TBC1D5: variants seen among roughly 807,000 people sequenced by gnomAD.
TBC1D5 encodes the protein TBC1 domain family member 5.
A neutral mutation model predicts 100.3 loss-of-function variants in TBC1D5; 75 were observed. The observed-to-expected ratio is 0.75, with a 90% confidence interval of 0.62 to 0.91. The LOEUF is 0.91. TBC1D5 is among the 40% of genes least tolerant of loss of function. TBC1D5 has a pLI of 0.00. For missense variants in TBC1D5, 910 were observed against 942.4 expected (o/e 0.97, Z 0.45); for synonymous variants, 323 against 325.6 (o/e 0.99, Z 0.09).
chr3:17,440,861 C>G (rs563882673), intron 3 of TBC1D5, among the ~76,000 whole-genome samples: 1 of 152,174 alleles, frequency 6.6e-6, no homozygotes, highest in Non-Finnish European at 1.5e-5. Context: ...AAGCGGGTCT[C>G]GGACTCCTAG....
chr3:17,638,837 GAATA>G (rs1346174289), intron 1 of TBC1D5, among the ~76,000 whole-genome samples: 5 of 151,816 alleles, frequency 3.3e-5, no homozygotes, highest in Non-Finnish European at 5.9e-5. Context: ...AGTTATAAAA[GAATA>G]TATAATAAAA....
At chr3:17,684,592 T>C (rs1426521917) in intron 1 of TBC1D5, among the ~76,000 whole-genome samples, 1 of 152,054 alleles carries the variant, frequency 6.6e-6, no homozygotes, top group Non-Finnish European at 1.5e-5. Flanking sequence ...AACTGCTCTA[T>C]GTTACGAAAT....
intron 1 of TBC1D5, among the ~76,000 whole-genome samples, chr3:17,731,292 A>G (rs904828948): frequency 3.3e-5 from 5 of 152,056 alleles, no homozygotes; most frequent in African/African-American, 1.2e-4. Flanking sequence ...CACGAGGTCA[A>G]GAGATTGAGA....
In TBC1D5 at chr3:17,218,591, T is replaced by C. The variant is rs145859567; in HGVS notation, c.1589-4221A>G. Among the ~76,000 whole-genome samples the C allele has an allele frequency of 1.3e-4, 20 of 152,126 alleles. No individual in the cohort carries two copies. The East Asian group carries it at 3.7e-3, about 28-fold the overall frequency. The stretch of plus-strand genomic sequence containing the variant: ...TCTTTATTATGTCTTATAGGGAAGG[T>C]TTACTAGTATTGAATACTCTCAGTT... On this transcript the variant is annotated intron_variant, in intron 17 of 21. Transcript: ENST00000253692.
chr3:17,610,642 T>G (rs1363188701), intron 2 of TBC1D5, among the ~76,000 whole-genome samples: 1 of 152,228 alleles, frequency 6.6e-6, no homozygotes, highest in African/African-American at 2.4e-5. Context: ...TGTCTCTATG[T>G]AAAGATGGCT....
chr3:17,705,600 A>C (rs1282213893), intron 1 of TBC1D5, among the ~76,000 whole-genome samples: 3 of 106,332 alleles, frequency 2.8e-5, no homozygotes, highest in East Asian at 6.9e-4. Flanking sequence ...CGCTCCTCAC[A>C]TCCCAGATGG....
chr3:17,687,119 TAA>T (rs1413787814), intron 1 of TBC1D5, among the ~76,000 whole-genome samples: 1 of 152,162 alleles, frequency 6.6e-6, no homozygotes, highest in African/African-American at 2.4e-5. Context: ...TCTCTAAAGC[TAA>T]AACTGCTCAA....
At chr3:17,176,971 A>C (rs2067827129) in intron 19 of TBC1D5, among the ~76,000 whole-genome samples, 1 of 152,170 alleles carries the variant, frequency 6.6e-6, no homozygotes, top group African/African-American at 2.4e-5. Flanking sequence ...CAAGGCAGCC[A>C]CTGGGGGCCA....
At chr3:17,531,373 T>G (rs1485290029) in intron 2 of TBC1D5, among the ~76,000 whole-genome samples, 4 of 152,132 alleles carry the variant, frequency 2.6e-5, no homozygotes, top group Non-Finnish European at 4.4e-5. Context: ...TGCTCATGGG[T>G]AGGAAGAATC....
intron 3 of TBC1D5, among the ~76,000 whole-genome samples, chr3:17,473,486 T>C (rs1182996248): frequency 6.6e-6 from 1 of 152,338 alleles, no homozygotes; most frequent in East Asian, 1.9e-4. Flanking sequence ...ATTTTAACTG[T>C]ATTTCTAAAA....
chr3:17,423,591 T>C (rs1297829745), intron 4 of TBC1D5, among the ~76,000 whole-genome samples: 2 of 152,136 alleles, frequency 1.3e-5, no homozygotes, highest in African/African-American at 4.8e-5. Flanking sequence ...GCATTGCATT[T>C]ACAAATGATT....
rs117539410 is a variant in TBC1D5, at chr3:17,477,415, T to C, written c.97+31059A>G. On this transcript the variant is annotated intron_variant, in intron 3 of 21. Coordinates refer to ENST00000253692, the Ensembl canonical transcript of TBC1D5. The stretch of plus-strand genomic sequence containing the variant: ...ATAAATTTGAAAACATTCCCTATTT[T>C]TCAATTCTCTGAAAGAATTTTCTCT... 1.1e-3 allele frequency among the ~76,000 whole-genome samples: 166 copies of C among 152,130 alleles called. 3 individuals are homozygous for C. In the East Asian group the frequency reaches 0.022, roughly 20 times the overall value.
chr3:17,560,547 A>G (rs2096551756), intron 2 of TBC1D5, among the ~76,000 whole-genome samples: 1 of 142,946 alleles, frequency 7.0e-6, no homozygotes, highest in African/African-American at 2.6e-5. Flanking sequence ...TGAGCCCAGG[A>G]GTTGAAGGCT....
intron 1 of TBC1D5, among the ~76,000 whole-genome samples, chr3:17,663,853 G>A (rs188760685): frequency 2.8e-4 from 43 of 152,152 alleles, no homozygotes; most frequent in Non-Finnish European, 5.1e-4. Flanking sequence ...AGAATGTTAT[G>A]CAACTATTAA....
chr3:17,563,551 GTACATTCTGTATAATATAAGGTTATA>G, intron 2 of TBC1D5, among the ~76,000 whole-genome samples: 1 of 152,154 alleles, frequency 6.6e-6, no homozygotes, highest in Non-Finnish European at 1.5e-5. Context: ...AATTATCAAA[GTACATTCTGTATAATATAAGGTTATA>G]GATTCACAAT....
chr3:17,546,068 A>G (rs917211176), intron 2 of TBC1D5, among the ~76,000 whole-genome samples: 2 of 152,202 alleles, frequency 1.3e-5, no homozygotes, highest in Non-Finnish European at 2.9e-5. Flanking sequence ...AAAAAGAGTA[A>G]CAATATCATA....
At chr3:17,329,038 A>C (rs1056931361) in intron 13 of TBC1D5, among the ~76,000 whole-genome samples, 5 of 152,210 alleles carry the variant, frequency 3.3e-5, no homozygotes, top group Non-Finnish European at 5.9e-5. Flanking sequence ...TGACTCTACA[A>C]GTTTGCCTCA....
At chr3:17,232,767 A>AC (rs1226862459) in intron 17 of TBC1D5, among the ~76,000 whole-genome samples, 2 of 151,812 alleles carry the variant, frequency 1.3e-5, no homozygotes, top group African/African-American at 2.4e-5. Flanking sequence ...TTTCTGTTCC[A>AC]CCCCCCCTAA....
intron 1 of TBC1D5, among the ~76,000 whole-genome samples, chr3:17,661,665 A>C (rs1577303570): frequency 6.6e-6 from 1 of 151,796 alleles, no homozygotes; most frequent in Admixed American, 6.6e-5. Flanking sequence ...CTCGTTGGCT[A>C]ATTTTTTATA....
Sources: allele counts gnomAD v4.1 joint callset (sites outside exome capture counted in the v4.1 genomes callset), GRCh38; gene constraint gnomAD v4.1.1; transcripts MANE v1.5; gene names NCBI Gene and HGNC (gene_info 2026-07-23, HGNC 2026-07-21).